The following SPATA1 variants were observed in gnomAD, a reference collection of about 807,000 sequenced individuals.
The protein encoded by SPATA1 is spermatogenesis associated 1, also known as spermatogenesis-associated protein 1.
SPATA1 carries 57 observed loss-of-function variants against 59.6 expected under a neutral mutation model. The ratio of observed to expected loss-of-function variants is 0.96; its 90% confidence interval spans 0.77 to 1.19. The LOEUF (loss-of-function observed/expected upper bound fraction) is 1.19, where lower values mean the gene tolerates loss of function less well. SPATA1 is among the 50% of genes most tolerant of loss of function. SPATA1 has a pLI of 0.00. For synonymous variants in SPATA1, 147 were observed against 163.9 expected (o/e 0.90, Z 0.79); for missense variants, 448 against 480.7 (o/e 0.93, Z 0.64).
chr1:84,521,461 C>A (rs776395242), intron 3 of SPATA1, among the ~76,000 whole-genome samples: 22 of 152,146 alleles, frequency 1.4e-4, no homozygotes, highest in Non-Finnish European at 5.9e-5. Flanking sequence ...GAACACATAG[C>A]CCTACCTCAG....
intron 4 of SPATA1, among the ~76,000 whole-genome samples, chr1:84,560,385 G>A (rs1684568744): frequency 6.6e-6 from 1 of 152,144 alleles, no homozygotes; most frequent in Non-Finnish European, 1.5e-5. Context: ...AGTCCTTGCT[G>A]AGTTTTCCCA....
At chr1:84,537,505 C>G (rs970232980) in intron 8 of SPATA1, among the ~76,000 whole-genome samples, 14 of 152,134 alleles carry the variant, frequency 9.2e-5, no homozygotes, top group African/African-American at 3.4e-4. Context: ...ATTACGAGAC[C>G]TTAGCCAGTT....
intron 4 of SPATA1, among the ~76,000 whole-genome samples, chr1:84,523,355 T>C (rs1166682554): frequency 6.6e-6 from 1 of 152,208 alleles, no homozygotes; most frequent in Non-Finnish European, 1.5e-5. Flanking sequence ...TCTACATAAA[T>C]TTTATTTCCT....
At chr1:84,508,812 A>G (rs1682399780) in intron 1 of SPATA1, among the ~76,000 whole-genome samples, 1 of 152,220 alleles carries the variant, frequency 6.6e-6, no homozygotes, top group South Asian at 2.1e-4. Flanking sequence ...GTTTGGAGAA[A>G]AAAATATATA....
chr1:84,510,872 A>T (rs1378653189), intron 1 of SPATA1, among the ~76,000 whole-genome samples: 1 of 152,236 alleles, frequency 6.6e-6, no homozygotes, highest in South Asian at 2.1e-4. Context: ...CAACATGGAT[A>T]GAACTGGATG....
intron 3 of SPATA1, among the ~76,000 whole-genome samples, chr1:84,522,041 A>G (rs968447276): frequency 2.0e-5 from 3 of 152,220 alleles, no homozygotes; most frequent in African/African-American, 7.2e-5. Context: ...TCTGTGGCTA[A>G]ATCATTCATT....
At chr1:84,546,969 G>A (rs537220647) in intron 10 of SPATA1, among the ~76,000 whole-genome samples, 18 of 122,064 alleles carry the variant, frequency 1.5e-4, no homozygotes, top group Non-Finnish European at 1.4e-4. Flanking sequence ...AGAGGCCTCC[G>A]TTTTGGGTTG....
chr1:84,525,736 T>G (rs778819692), exon 5 of SPATA1: 2 of 1,600,854 alleles, frequency 1.2e-6, no homozygotes, highest in South Asian at 2.3e-5. Context: ...CTCAAATCAT[T>G]TGCTCCTCCA....
intron 8 of SPATA1, among the ~76,000 whole-genome samples, chr1:84,536,576 T>C (rs1282424524): frequency 6.6e-6 from 1 of 152,176 alleles, no homozygotes; most frequent in Non-Finnish European, 1.5e-5. Flanking sequence ...CCCGAGTAGT[T>C]GGGACTACAG....
chr1:84,543,813 CAT>C (rs1270504415), intron 8 of SPATA1, among the ~76,000 whole-genome samples: 14 of 152,128 alleles, frequency 9.2e-5, no homozygotes, highest in African/African-American at 3.4e-4. Context: ...AAAATTTTGA[CAT>C]GTGACAGAAC....
chr1:84,561,835 C>CT (rs1199419640), intron 4 of SPATA1, among the ~76,000 whole-genome samples: 3 of 152,124 alleles, frequency 2.0e-5, no homozygotes, highest in East Asian at 3.8e-4. Flanking sequence ...AAGGTATGTA[C>CT]TTTTTTTAGA....
intron 8 of SPATA1, among the ~76,000 whole-genome samples, chr1:84,534,375 A>G (rs1683590667): frequency 6.6e-6 from 1 of 152,104 alleles, no homozygotes; most frequent in Non-Finnish European, 1.5e-5. Flanking sequence ...AGTATCAACT[A>G]CCAGGCATTA....
chr1:84,522,512 GT>G lies in SPATA1; in HGVS notation c.261+9del. The stretch of plus-strand genomic sequence containing the variant: ...ATTGGAAATAATTTAGCTGTGGTAA[GT>G]TTTCTTTTTTTTTCTTTCTGATTGA... On this transcript the variant is annotated splice_donor_region_variant and intron_variant, in intron 4 of 12. Coordinates refer to ENST00000490879, the Ensembl canonical transcript of SPATA1. The G allele has an allele frequency of 6.8e-7, 1 of 1,471,118 alleles. No individual in the cohort carries two copies. Among genetic ancestry groups the G allele is most frequent in the Non-Finnish European group, 9.1e-7 (1 of 1,096,434 alleles). The allele number at this position is 1,471,118 out of a possible 1,614,324, so 91.1% of individuals were successfully genotyped here.
At chr1:84,514,330 C>G (rs760555743) in intron 1 of SPATA1, among the ~76,000 whole-genome samples, 8 of 152,166 alleles carry the variant, frequency 5.3e-5, no homozygotes, top group Non-Finnish European at 1.0e-4. Context: ...AAATCCCAAA[C>G]ATGGCTTCTT....
At chr1:84,525,745 C>G in exon 5 of SPATA1, 1 of 1,605,366 alleles carries the variant, frequency 6.2e-7, no homozygotes, top group Non-Finnish European at 8.5e-7. Context: ...TTTGCTCCTC[C>G]ATATGTATGT....
chr1:84,547,716 T>C (rs1245518407), intron 10 of SPATA1, among the ~76,000 whole-genome samples: 2 of 152,056 alleles, frequency 1.3e-5, no homozygotes, highest in Non-Finnish European at 2.9e-5. Context: ...GGGCCTGAAA[T>C]ACGACCAGTG....
chr1:84,528,243 T>G (rs1165673374), intron 6 of SPATA1, among the ~76,000 whole-genome samples: 1 of 152,208 alleles, frequency 6.6e-6, no homozygotes, highest in African/African-American at 2.4e-5. Context: ...GAAGCTCTGT[T>G]ATTAGGTGCA....
Position 84,548,766 on chromosome 1 carries a change from TTTTTTTTTTTTTTTTA to T in SPATA1, c.947-18_947-3del, listed in dbSNP as rs1273152918. 8.2e-6 allele frequency: 7 copies of T among 849,236 alleles called. No homozygotes were observed. The highest frequency in any genetic ancestry group is 1.2e-4 in the South Asian group (2 of 17,118). The allele number at this position is 849,236 out of a possible 1,614,324, so 52.6% of individuals were successfully genotyped here. On this transcript the variant is annotated splice_region_variant and splice_polypyrimidine_tract_variant and intron_variant, in intron 10 of 12. Transcript: ENST00000490879. ...AGGCCTTTCCTTTTTTTTTTTTTTT[TTTTTTTTTTTTTTTTA>T]TAGCCTACAATGGTTGGAAGAAAAA... is the stretch of plus-strand genomic sequence containing the variant.
rs901410231 is a variant in SPATA1 at position 84,545,152 on chromosome 1, G to A, written c.821-482G>A. Among the ~76,000 whole-genome samples the A allele has an allele frequency of 5.4e-4, 81 of 150,834 alleles. 1 individual carries two copies. Among genetic ancestry groups the A allele is most frequent in the Non-Finnish European group, 9.4e-4 (64 of 67,766 alleles). On this transcript the variant is annotated intron_variant, in intron 9 of 12. Coordinates refer to ENST00000490879, the Ensembl canonical transcript of SPATA1. ...GAATCGCTTGAACCCAGGAGACAGAGGTTGGAGTGAGCCAGTATTGCACCA... is the reference window on the plus strand; with the variant it reads ...GAATCGCTTGAACCCAGGAGACAGAAGTTGGAGTGAGCCAGTATTGCACCA...
Sources: gnomAD v4.1 joint callset for allele counts (sites outside exome capture counted in the v4.1 genomes callset) on GRCh38, gnomAD v4.1.1 for gene constraint, MANE v1.5 for transcripts, NCBI Gene and HGNC (gene_info 2026-07-23, HGNC 2026-07-21) for gene names.